Variants in COL19A1 observed in about 807,000 individuals in gnomAD.
COL19A1 encodes collagen type XIX alpha 1 chain.
A neutral mutation model predicts 190.2 loss-of-function variants in COL19A1; 159 were observed. That is an observed-to-expected ratio of 0.84 (90% confidence interval 0.73 to 0.95). The LOEUF (loss-of-function observed/expected upper bound fraction) is 0.95, where lower values mean the gene tolerates loss of function less well. Ranked by LOEUF, COL19A1 falls within the 40% of genes least tolerant of loss-of-function variation. The pLI, the probability that COL19A1 is intolerant of heterozygous loss-of-function variation, is 0.00. For synonymous variants in COL19A1, 509 were observed against 458.9 expected (o/e 1.11, Z -1.39); for missense variants, 1,418 against 1,431.9 (o/e 0.99, Z 0.16).
rs763914933 is a variant in COL19A1, at chr6:70,023,382, G to A, written c.1027-245G>A. 3.3e-5 allele frequency among the ~76,000 whole-genome samples: 5 copies of A among 151,824 alleles called. No homozygotes were observed. In the South Asian group the frequency reaches 6.2e-4, roughly 19 times the overall value. On this transcript the variant is annotated intron_variant, in intron 11 of 50. Transcript: ENST00000620364. ...AAATCCTGACCTCAACTGATCCACC[G>A]GCCTCGGCCTCCCAAAGTGCTAGGA...
chr6:69,966,148 G>A (rs1001269607), intron 11 of COL19A1, among the ~76,000 whole-genome samples: 37 of 152,182 alleles, frequency 2.4e-4, no homozygotes, highest in African/African-American at 8.4e-4. Flanking sequence ...CCGTCCGGGA[G>A]GTGGGGGGCA....
At chr6:70,147,706 A>G (rs968400837) in intron 27 of COL19A1, among the ~76,000 whole-genome samples, 2 of 152,032 alleles carry the variant, frequency 1.3e-5, no homozygotes, top group African/African-American at 4.8e-5. Context: ...TGAATGTTCT[A>G]TTAGTCAATT....
intron 1 of COL19A1, among the ~76,000 whole-genome samples, chr6:69,878,010 C>T (rs1049534259): frequency 6.6e-6 from 1 of 151,318 alleles, no homozygotes; most frequent in South Asian, 2.1e-4. Context: ...AACTCTGTCT[C>T]CAAAATAAAT....
intron 2 of COL19A1, among the ~76,000 whole-genome samples, chr6:69,883,184 G>A (rs1464336991): frequency 2.6e-5 from 4 of 152,270 alleles, no homozygotes; most frequent in African/African-American, 9.6e-5. Context: ...AGAAAAACTG[G>A]GGGACTGGAG....
At chr6:70,174,648 T>A (rs1224008052) in intron 41 of COL19A1, among the ~76,000 whole-genome samples, 9 of 152,000 alleles carry the variant, frequency 5.9e-5, no homozygotes, top group Non-Finnish European at 2.9e-5. Context: ...GGAGGGGAGT[T>A]GGATTTCAAC....
intron 18 of COL19A1, among the ~76,000 whole-genome samples, chr6:70,136,426 A>T (rs957230186): frequency 7.9e-5 from 12 of 152,202 alleles, no homozygotes; most frequent in African/African-American, 2.9e-4. Context: ...CTGGTTTATT[A>T]ACATGTTAGA....
At chr6:70,198,598 T>C (rs909957978) in intron 48 of COL19A1, among the ~76,000 whole-genome samples, 2 of 152,230 alleles carry the variant, frequency 1.3e-5, no homozygotes, top group Non-Finnish European at 2.9e-5. Context: ...ACTCCAGTGA[T>C]AGATTGTATT....
chr6:69,901,348 T>C (rs2149974665), intron 4 of COL19A1, among the ~76,000 whole-genome samples: 1 of 152,356 alleles, frequency 6.6e-6, no homozygotes, highest in African/African-American at 2.4e-5. Context: ...AACCTACACT[T>C]TTTCCCTGAG....
At position 69,930,536 on chromosome 6, in the gene COL19A1, G is replaced by A. The variant is rs562325682; in HGVS notation, c.666+836G>A. Among the ~76,000 whole-genome samples the A allele has an allele frequency of 1.7e-3, 264 of 152,070 alleles. 1 individual carries two copies. Among genetic ancestry groups the A allele is most frequent in the Middle Eastern group, 6.8e-3 (2 of 294 alleles). On this transcript the variant is annotated intron_variant, in intron 6 of 50. Coordinates refer to ENST00000620364, the MANE Select transcript of COL19A1 (RefSeq NM_001858.6). ...CTCACCCAAGGATAGAATTGATCCC[G>A]GGCTAGGCGCAGTGGCTCATGCCTG...
intron 4 of COL19A1, among the ~76,000 whole-genome samples, chr6:69,908,818 T>G (rs1582361302): frequency 1.3e-5 from 2 of 152,140 alleles, no homozygotes; most frequent in African/African-American, 2.4e-5. Flanking sequence ...TTCTACAACA[T>G]TCATATGACT....
chr6:70,146,603 A>G, intron 25 of COL19A1, 56 bp from the exon 26 acceptor site: 2 of 1,337,106 alleles, frequency 1.5e-6, no homozygotes, highest in South Asian at 1.4e-5. Context: ...TATAACTTCT[A>G]ATGTGTTTAT....
intron 48 of COL19A1, among the ~76,000 whole-genome samples, chr6:70,191,754 C>G (rs932488799): frequency 6.6e-6 from 1 of 152,200 alleles, no homozygotes; most frequent in African/African-American, 2.4e-5. Flanking sequence ...CATGTTGGTT[C>G]TCATGGTTCC....
rs763858368 is a variant in COL19A1, at chr6:70,151,391, C to T, written c.2038-6C>T. ...CATGTATTTGGTTTTATCTTCTTAA[C>T]CACAGATTGCACTTCCTCTCTTGGG... On this transcript the variant is annotated splice_polypyrimidine_tract_variant and splice_region_variant and intron_variant, in intron 30 of 50. Transcript: ENST00000620364. 8 of 1,612,270 alleles carry T rather than the reference C, an allele frequency of 5.0e-6. No homozygotes were observed. Among genetic ancestry groups the T allele is most frequent in the Non-Finnish European group, 6.8e-6 (8 of 1,178,832 alleles).
chr6:69,907,573 C>T (rs1770646929), intron 4 of COL19A1, among the ~76,000 whole-genome samples: 2 of 152,224 alleles, frequency 1.3e-5, no homozygotes, highest in South Asian at 2.1e-4. Context: ...TAATTATGTT[C>T]AATCATTGTT....
rs764036178 is a variant in COL19A1 at position 69,962,823 on chromosome 6, C to T, written c.982-3C>T. The T allele has an allele frequency of 2.6e-5, 41 of 1,603,656 alleles. No individual in the cohort carries two copies. Among genetic ancestry groups the T allele is most frequent in the Non-Finnish European group, 3.3e-5 (39 of 1,172,932 alleles). ...CTATACACATCATATTCCTCTTCTA[C>T]AGGGAGAGCAAGGTTTTGAAGGCAG... On this transcript the variant is annotated splice_polypyrimidine_tract_variant and splice_region_variant and intron_variant, in intron 10 of 50. Coordinates refer to ENST00000620364, the MANE Select transcript of COL19A1 (RefSeq NM_001858.6).
At chr6:69,951,774 CA>C (rs2150035615) in intron 9 of COL19A1, among the ~76,000 whole-genome samples, 1 of 151,932 alleles carries the variant, frequency 6.6e-6, no homozygotes, top group Admixed American at 6.6e-5. Context: ...GATTTATTGT[CA>C]CTATTTCACA....
intron 47 of COL19A1, among the ~76,000 whole-genome samples, chr6:70,189,841 T>A (rs1616745): frequency 6.6e-6 from 1 of 152,184 alleles, no homozygotes; most frequent in East Asian, 1.9e-4. Flanking sequence ...CAACATTTTT[T>A]AAAATAATCC....
At chr6:70,142,196 T>A (rs1221448147) in intron 22 of COL19A1, 120 bp downstream of exon 22, 5 of 879,638 alleles carry the variant, frequency 5.7e-6, no homozygotes, top group Non-Finnish European at 7.0e-6. Context: ...CAAGACTTTA[T>A]CCTGTTTCCA....
At chr6:70,162,038 G>T in intron 35 of COL19A1, 85 bp downstream of exon 35, 7 of 1,251,674 alleles carry the variant, frequency 5.6e-6, no homozygotes, top group Non-Finnish European at 7.8e-6. Flanking sequence ...ATTGCCTTTT[G>T]TTCTCTGTGC....
Sources: gnomAD v4.1 joint callset for allele counts (sites outside exome capture counted in the v4.1 genomes callset) on GRCh38, gnomAD v4.1.1 for gene constraint, MANE v1.5 for transcripts, NCBI Gene and HGNC (gene_info 2026-07-23, HGNC 2026-07-21) for gene names.